The following OLA1 variants were observed in gnomAD, a reference collection of about 807,000 sequenced individuals.
OLA1 encodes obg-like ATPase 1.
Under a neutral mutation model 48.4 loss-of-function variants are expected in OLA1, and 14 were observed. The observed-to-expected ratio is 0.29, with a 90% CI of 0.19 to 0.45. The LOEUF (loss-of-function observed/expected upper bound fraction) is 0.45, where lower values mean the gene tolerates loss of function less well. OLA1 is among the 20% of genes least tolerant of loss of function. The pLI, the probability that OLA1 is intolerant of heterozygous loss-of-function variation, is 1.00. For synonymous variants in OLA1, 127 were observed against 150.4 expected (o/e 0.84, Z 1.14); for missense variants, 325 against 467.1 (o/e 0.70, Z 2.80).
chr2:174,206,171 C>G (rs531343434), intron 4 of OLA1, among the ~76,000 whole-genome samples: 3 of 152,220 alleles, frequency 2.0e-5, no homozygotes, highest in African/African-American at 7.2e-5. Context: ...TTTTCAAAAC[C>G]AAATCAGTCT....
intron 7 of OLA1, among the ~76,000 whole-genome samples, chr2:174,098,038 T>C (rs989107619): frequency 1.3e-5 from 2 of 152,058 alleles, no homozygotes; most frequent in African/African-American, 2.4e-5. Context: ...TCTGGATCTT[T>C]AGAGAAAAGG....
intron 4 of OLA1, among the ~76,000 whole-genome samples, chr2:174,205,961 T>C (rs952078337): frequency 6.6e-6 from 1 of 152,058 alleles, no homozygotes; most frequent in Non-Finnish European, 1.5e-5. Context: ...GGCTAGCAAA[T>C]GGCACTACCA....
intron 4 of OLA1, among the ~76,000 whole-genome samples, chr2:174,180,366 A>G (rs1273264541): frequency 6.6e-6 from 1 of 152,146 alleles, no homozygotes; most frequent in East Asian, 1.9e-4. Context: ...AAACCAGACT[A>G]CTCAGCTTTA....
chr2:174,239,877 G>A (rs1688953525), intron 2 of OLA1, among the ~76,000 whole-genome samples: 1 of 151,298 alleles, frequency 6.6e-6, no homozygotes, highest in Non-Finnish European at 1.5e-5. Flanking sequence ...CTGGATGACA[G>A]AGCGAGACTC....
intron 4 of OLA1, among the ~76,000 whole-genome samples, chr2:174,161,679 AATACAC>A (rs1437931426): frequency 1.5e-5 from 1 of 66,198 alleles, no homozygotes. Context: ...AAAAAAAAAA[AATACAC>A]ACACACACAC....
chr2:174,140,094 AT>A (rs1264678903), intron 5 of OLA1, among the ~76,000 whole-genome samples: 1 of 152,114 alleles, frequency 6.6e-6, no homozygotes, highest in Non-Finnish European at 1.5e-5. Flanking sequence ...TGAATGTTGA[AT>A]TTCTGAAAGA....
intron 4 of OLA1, among the ~76,000 whole-genome samples, chr2:174,179,805 T>C (rs1404375338): frequency 6.6e-6 from 1 of 152,122 alleles, no homozygotes; most frequent in Non-Finnish European, 1.5e-5. Flanking sequence ...TATTAGACAG[T>C]AGTGAAGCTA....
At chr2:174,123,552 G>T in intron 6 of OLA1, 43 bp downstream of exon 6, 1 of 1,185,456 alleles carries the variant, frequency 8.4e-7, no homozygotes, top group Non-Finnish European at 1.2e-6. Context: ...CCTAGCAAAT[G>T]AAAGCAAAGG....
At chr2:174,160,648 A>G (rs1686988427) in intron 4 of OLA1, among the ~76,000 whole-genome samples, 1 of 152,218 alleles carries the variant, frequency 6.6e-6, no homozygotes, top group African/African-American at 2.4e-5. Flanking sequence ...TGACTTCTCG[A>G]GACAGCATTT....
chr2:174,118,324 A>G (rs1339664315), intron 7 of OLA1, among the ~76,000 whole-genome samples: 1 of 152,226 alleles, frequency 6.6e-6, no homozygotes, highest in Non-Finnish European at 1.5e-5. Flanking sequence ...GTAACAAAAT[A>G]TGACTCAGAG....
Position 174,147,351 on chromosome 2 carries a change from C to T in OLA1, c.374-5351G>A, listed in dbSNP as rs1333045083. Among the ~76,000 whole-genome samples, 10 of 150,904 alleles carry T rather than the reference C, an allele frequency of 6.6e-5. 1 individual carries two copies. In the South Asian group the frequency reaches 1.3e-3, roughly 19 times the overall value. ...CTGAGGCAGGAGAATTGCTTGAACC[C>T]GGGAGGCAGAGGTTGCGGTGAGCCG... On this transcript the variant is annotated intron_variant, in intron 4 of 10. Transcript: ENST00000284719.
At chr2:174,122,928 T>C (rs528140738) in intron 7 of OLA1, among the ~76,000 whole-genome samples, 64 of 152,306 alleles carry the variant, frequency 4.2e-4, no homozygotes, top group African/African-American at 1.5e-3. Flanking sequence ...CTAATAAACT[T>C]ACATTTGATA....
intron 4 of OLA1, among the ~76,000 whole-genome samples, chr2:174,194,048 A>G (rs1229432199): frequency 6.6e-6 from 1 of 152,198 alleles, no homozygotes; most frequent in African/African-American, 2.4e-5. Flanking sequence ...TCAGAATTTC[A>G]TCAAGGCCCT....
intron 10 of OLA1, among the ~76,000 whole-genome samples, chr2:174,077,536 G>A (rs1684773374): frequency 6.6e-6 from 1 of 152,012 alleles, no homozygotes; most frequent in African/African-American, 2.4e-5. Context: ...ATATTTAATG[G>A]TATCCTAGGT....
rs959017606 is a variant in OLA1 at position 174,135,826 on chromosome 2, A to C, written c.549+5999T>G. Among the ~76,000 whole-genome samples, 5 of 152,252 alleles carry C rather than the reference A, an allele frequency of 3.3e-5. No homozygotes were observed. In the East Asian group the frequency reaches 9.6e-4, roughly 29 times the overall value. On this transcript the variant is annotated intron_variant, in intron 5 of 10. Transcript: ENST00000284719. ...TTTTTACAGTACAACCATACCTCAG[A>C]GATACTGCAGGTTTAGTTCCAATAA...
intron 4 of OLA1, among the ~76,000 whole-genome samples, chr2:174,191,850 G>A (rs1687784933): frequency 6.6e-6 from 1 of 152,058 alleles, no homozygotes; most frequent in Non-Finnish European, 1.5e-5. Flanking sequence ...ACATGTTTAT[G>A]GCTGTCTAAA....
Position 174,137,289 on chromosome 2 carries a change from G to A in OLA1, c.549+4536C>T, listed in dbSNP as rs199617964. Among the ~76,000 whole-genome samples the A allele has an allele frequency of 2.0e-4, 30 of 152,284 alleles. No individual in the cohort carries two copies. In the East Asian group the frequency reaches 2.1e-3, roughly 11 times the overall value. On this transcript the variant is annotated intron_variant, in intron 5 of 10. Transcript: ENST00000284719. ...TCTGAGCAGTAGGTCTCAAGAGTGG[G>A]CTTAAAATATTCAGTGAACCATGCT...
At chr2:174,183,744 G>C (rs1423159525) in intron 4 of OLA1, among the ~76,000 whole-genome samples, 2 of 152,154 alleles carry the variant, frequency 1.3e-5, no homozygotes, top group African/African-American at 4.8e-5. Context: ...GATAATAGTA[G>C]TACTTTCCTC....
chr2:174,236,271 A>G (rs1688846817), intron 2 of OLA1, among the ~76,000 whole-genome samples: 2 of 152,270 alleles, frequency 1.3e-5, no homozygotes, highest in African/African-American at 4.8e-5. Context: ...AATGTTACAA[A>G]TCTTTTAAAA....
Sources: allele counts gnomAD v4.1 joint callset (sites outside exome capture counted in the v4.1 genomes callset), GRCh38; gene constraint gnomAD v4.1.1; transcripts MANE v1.5; gene names NCBI Gene and HGNC (gene_info 2026-07-23, HGNC 2026-07-21).